Variants in RYR3 observed in about 807,000 individuals in gnomAD.
RYR3 encodes ryanodine receptor 3.
In RYR3, 207 loss-of-function variants were observed where a neutral mutation model predicts 584.3. The ratio of observed to expected loss-of-function variants is 0.35; its 90% CI spans 0.32 to 0.40. The LOEUF is 0.40. Among genes scored for constraint, RYR3 ranks in the 10% least tolerant of loss-of-function variants. The pLI is 1.00. For synonymous variants in RYR3, 2,416 were observed against 2,248.5 expected (o/e 1.07, Z -2.11); for missense variants, 5,616 against 6,089.2 (o/e 0.92, Z 2.59).
At chr15:33,692,922 G>C (rs112374562) in intron 38 of RYR3, among the ~76,000 whole-genome samples, 3 of 152,248 alleles carry the variant, frequency 2.0e-5, no homozygotes, top group African/African-American at 7.2e-5. Context: ...TATGTACTTG[G>C]TTTTATTATG....
rs190731871 is a variant in RYR3 at position 33,616,310 on chromosome 15, A to G, written c.2357+2935A>G. Among the ~76,000 whole-genome samples, 196 of 152,342 alleles carry G rather than the reference A, an allele frequency of 1.3e-3. 1 individual carries two copies. The highest frequency in any genetic ancestry group is 1.3e-3 in the Non-Finnish European group (90 of 68,034). On this transcript the variant is annotated intron_variant, in intron 19 of 103. Coordinates refer to ENST00000634891, the MANE Select transcript of RYR3 (RefSeq NM_001036.6). The stretch of plus-strand genomic sequence containing the variant: ...CATAATGATTCTGAATCATTAGTTC[A>G]TCCCTTCCGTCTCCCTCAGAACAGT...
intron 65 of RYR3, among the ~76,000 whole-genome samples, chr15:33,784,229 A>G (rs2074566541): frequency 1.3e-5 from 2 of 152,224 alleles, no homozygotes; most frequent in African/African-American, 4.8e-5. Context: ...CATGCACTAT[A>G]ACCATGAGAG....
In RYR3 at chr15:33,736,295, A is replaced by C; in HGVS notation, c.7485A>C (p.Gln2495His). 6 of 1,612,888 alleles carry C rather than the reference A, an allele frequency of 3.7e-6. No individual in the cohort carries two copies. The highest frequency in any genetic ancestry group is 5.1e-6 in the Non-Finnish European group (6 of 1,179,460). ...LLRRLVFDVP[Q>H]LNEYCKMPLK... ...GACGCCTCGTTTTTGATGTGCCGCA[A>C]CTCAATGAATACTGCAAAATGCCTC... Residue 2495 changes from glutamine (Q) to histidine (H), a missense_variant, in exon 49 of 104, where the codon CAA becomes CAC. Around this residue, in one of 9 missense-constraint regions of RYR3, gnomAD observed 1,280 missense variants for 1,426.2 expected, o/e 0.90. Transcript: ENST00000634891.
chr15:33,525,663 T>C (rs1567448437), intron 3 of RYR3, among the ~76,000 whole-genome samples: 1 of 152,244 alleles, frequency 6.6e-6, no homozygotes, highest in Non-Finnish European at 1.5e-5. Context: ...AAATCATGAG[T>C]AGAATCTTTC....
intron 12 of RYR3, among the ~76,000 whole-genome samples, chr15:33,567,892 G>A (rs1374694643): frequency 6.6e-6 from 1 of 152,108 alleles, no homozygotes; most frequent in Non-Finnish European, 1.5e-5. Context: ...CTTAACCTTG[G>A]CCACATGCTA....
intron 80 of RYR3, among the ~76,000 whole-genome samples, chr15:33,821,883 A>G (rs2077126378): frequency 6.6e-6 from 1 of 152,254 alleles, no homozygotes; most frequent in African/African-American, 2.4e-5. Flanking sequence ...AATATTCTCC[A>G]GAAAAATTTC....
chr15:33,828,206 G>T (rs2152967599), intron 85 of RYR3, among the ~76,000 whole-genome samples: 1 of 152,252 alleles, frequency 6.6e-6, no homozygotes, highest in East Asian at 1.9e-4. Context: ...ACTTAATGTT[G>T]CATGTGTTCT....
At chr15:33,815,773 T>G (rs1263664808) in intron 74 of RYR3, 2 of 397,960 alleles carry the variant, frequency 5.0e-6, no homozygotes, top group Admixed American at 8.8e-5. Context: ...GGATTTGTTT[T>G]ATTATGGGAA....
At chr15:33,853,736 G>C in intron 96 of RYR3, 54 bp downstream of exon 96, 1 of 1,571,476 alleles carries the variant, frequency 6.4e-7, no homozygotes, top group Non-Finnish European at 8.6e-7. Context: ...ATAGATCTTT[G>C]CTTTTCCATA....
chr15:33,695,293 G>A lies in RYR3; in HGVS notation c.5861-925G>A, dbSNP rs146456163. Reference sequence around the variant, plus strand: ...AGTGCCTTCCCGGCCATTCCAACAGGTCCCCTTCCTCCTTTACCTCCTATG... The same window carrying A: ...AGTGCCTTCCCGGCCATTCCAACAGATCCCCTTCCTCCTTTACCTCCTATG... On this transcript the variant is annotated intron_variant, in intron 38 of 103. Transcript: ENST00000634891. 9.6e-3 allele frequency among the ~76,000 whole-genome samples: 1,459 copies of A among 152,302 alleles called. 14 individuals are homozygous for A. Among genetic ancestry groups the A allele is most frequent in the Non-Finnish European group, 0.015 (1,026 of 68,032 alleles).
chr15:33,734,678 A>ATT (rs34290310), intron 48 of RYR3, among the ~76,000 whole-genome samples: 1 of 130,426 alleles, frequency 7.7e-6, no homozygotes. Flanking sequence ...GAGAAATTCG[A>ATT]TTTTTTTTTC....
Position 33,550,131 on chromosome 15 carries a change from G to A in RYR3, c.816-29G>A, listed in dbSNP as rs370876555. ...GAAAAGGACTTATTTTTGTATAAAT[G>A]CAATTTCTTGTCTGTTTCATCTGCC... On this transcript the variant is annotated intron_variant, in intron 9 of 103. Transcript: ENST00000634891. 25 of 1,603,964 alleles carry A rather than the reference G, an allele frequency of 1.6e-5. No homozygotes were observed. In the African/African-American group the frequency reaches 2.8e-4, roughly 18 times the overall value.
intron 5 of RYR3, among the ~76,000 whole-genome samples, chr15:33,537,707 G>A (rs1455118308): frequency 6.6e-6 from 1 of 152,122 alleles, no homozygotes; most frequent in Admixed American, 6.6e-5. Context: ...ATGTGTCTTG[G>A]CGTGGCCTCT....
chr15:33,491,375 A>G (rs1457814645), intron 2 of RYR3, among the ~76,000 whole-genome samples: 5 of 152,226 alleles, frequency 3.3e-5, no homozygotes, highest in African/African-American at 1.2e-4. Context: ...ATCTGTGTCT[A>G]GTTCACTAAG....
In RYR3 at chr15:33,865,589, A is replaced by C; in HGVS notation, c.*363A>C. ...CGAATGTGTAATACCTGAAAATTTA[A>C]ACACTTGAATGTCATCATGGTATCC... is the stretch of plus-strand genomic sequence containing the variant. On this transcript the variant is annotated 3_prime_UTR_variant, in exon 104 of 104. Transcript: ENST00000634891. 1 of 193,760 alleles carries C rather than the reference A, an allele frequency of 5.2e-6. No individual in the cohort carries two copies. Among genetic ancestry groups the C allele is most frequent in the East Asian group, 1.3e-4 (1 of 7,824 alleles). 12.0% of individuals were successfully genotyped at this position (193,760 alleles called of 1,614,324 possible).
At chr15:33,615,788 C>T (rs947260671) in intron 19 of RYR3, among the ~76,000 whole-genome samples, 10 of 152,242 alleles carry the variant, frequency 6.6e-5, no homozygotes, top group South Asian at 2.1e-4. Context: ...ATGTGGAAAA[C>T]GGGGAGTGTT....
At chr15:33,651,250 T>C (rs2062446690) in intron 31 of RYR3, among the ~76,000 whole-genome samples, 1 of 152,252 alleles carries the variant, frequency 6.6e-6, no homozygotes, top group African/African-American at 2.4e-5. Context: ...GGCCCTTTAA[T>C]GTATGACCAA....
intron 38 of RYR3, among the ~76,000 whole-genome samples, chr15:33,672,932 C>T (rs1442125338): frequency 2.6e-5 from 4 of 152,148 alleles, no homozygotes; most frequent in Admixed American, 1.3e-4. Context: ...TACCCTTACC[C>T]GTTCCAGAAA....
intron 51 of RYR3, among the ~76,000 whole-genome samples, chr15:33,741,571 A>G (rs2070114387): frequency 6.6e-6 from 1 of 152,074 alleles, no homozygotes; most frequent in Admixed American, 6.6e-5. Context: ...CAGAAATAGC[A>G]GGTGTCTACT....
Sources: gnomAD v4.1 joint callset for allele counts (sites outside exome capture counted in the v4.1 genomes callset) on GRCh38, gnomAD v4.1.1 for gene constraint, gnomAD v4.1.1 regional missense constraint, MANE v1.5 for transcripts, NCBI Gene and HGNC (gene_info 2026-07-23, HGNC 2026-07-21) for gene names.